CPLX1: variants seen among roughly 807,000 people sequenced by gnomAD.
CPLX1 encodes the protein complexin-1.
A neutral mutation model predicts 15.6 loss-of-function variants in CPLX1; 6 were observed. That is an observed-to-expected ratio of 0.39 (90% CI 0.21 to 0.76). CPLX1 has a LOEUF of 0.76. Among genes scored for constraint, CPLX1 ranks in the 30% least tolerant of loss-of-function variants. CPLX1 has a pLI of 0.43. For missense variants in CPLX1, 242 were observed against 188.6 expected (o/e 1.28, Z -1.66); for synonymous variants, 91 against 75.2 (o/e 1.21, Z -1.08).
chr4:813,187 C>T (rs1287457033), intron 2 of CPLX1, among the ~76,000 whole-genome samples: 1 of 150,840 alleles, frequency 6.6e-6, no homozygotes, highest in African/African-American at 2.4e-5. Flanking sequence ...ATTGCTTGAA[C>T]CTGGGAGCCG....
chr4:795,649 G>C (rs897664247), intron 2 of CPLX1, among the ~76,000 whole-genome samples: 1 of 151,628 alleles, frequency 6.6e-6, no homozygotes, highest in East Asian at 2.0e-4. Flanking sequence ...TGGAGGCGGT[G>C]GGGGGGCGCA....
Position 786,653 on chromosome 4 carries a change from C to T in CPLX1, c.253G>A (p.Ala85Thr). ...CTCCCCTCGGAGTTGGCCTCCATGG[C>T]GGCCTGGGCCTCGGCCTCGCGCTCC... ...KEEREAEAQA[A>T]MEANSEGSLT... Residue 85 changes from alanine (A) to threonine (T), a missense_variant, in exon 4 of 4, where the codon GCC (alanine) becomes ACC (threonine). Physicochemically the swap from Ala to Thr is moderately conservative, Grantham distance 58. Coordinates refer to ENST00000304062, the MANE Select transcript of CPLX1 (RefSeq NM_006651.4). The T allele has an allele frequency of 2.5e-6, 4 of 1,611,466 alleles. No homozygotes were observed. The highest frequency in any genetic ancestry group is 1.3e-5 in the African/African-American group (1 of 74,816).
chr4:822,223 T>C (rs1746882299), intron 2 of CPLX1, among the ~76,000 whole-genome samples: 1 of 151,386 alleles, frequency 6.6e-6, no homozygotes, highest in South Asian at 2.1e-4. Flanking sequence ...TCTCTAACTC[T>C]CTCTGTCTCT....
At chr4:788,893 G>A (rs997119888) in intron 3 of CPLX1, among the ~76,000 whole-genome samples, 3 of 152,190 alleles carry the variant, frequency 2.0e-5, no homozygotes, top group African/African-American at 4.8e-5. Flanking sequence ...TGCCTGTAAC[G>A]GCGGAACATG....
rs1560237614 is a variant in CPLX1 at position 792,423 on chromosome 4, C to T, written c.207+10G>A. On this transcript the variant is annotated intron_variant, in intron 3 of 3. Transcript: ENST00000304062. The stretch of plus-strand genomic sequence containing the variant: ...CGCCTTCCCGCAGGCGGGGCCGGCC[C>T]GGCGCGCACCTTGTCTCGGATGCCC... 1.3e-6 allele frequency: 2 copies of T among 1,532,988 alleles called. No individual in the cohort carries two copies. The highest frequency in any genetic ancestry group is 2.0e-5 in the Admixed American group (1 of 50,746). The allele number at this position is 1,532,988 out of a possible 1,614,324, so 95.0% of individuals were successfully genotyped here. A position where few individuals can be genotyped will look rare whatever the true frequency, so the allele number is the denominator to read the frequency against.
At chr4:804,855 C>T (rs1746524816) in intron 2 of CPLX1, 1 of 962,458 alleles carries the variant, frequency 1.0e-6, no homozygotes, top group Non-Finnish European at 1.2e-6. Context: ...GCTCAGCCTC[C>T]ACGGGAAAGG....
intron 2 of CPLX1, chr4:804,751 C>T (rs1264852092): frequency 4.1e-6 from 4 of 985,318 alleles, no homozygotes; most frequent in Non-Finnish European, 3.6e-6. Flanking sequence ...GAAGTGAAAA[C>T]GCACCTTGCG....
At chr4:793,938 A>G (rs1204334194) in intron 2 of CPLX1, among the ~76,000 whole-genome samples, 1 of 152,228 alleles carries the variant, frequency 6.6e-6, no homozygotes, top group African/African-American at 2.4e-5. Context: ...ACCTGGGTCC[A>G]GGTGTGCCCC....
At chr4:794,492 T>C (rs1420578182) in intron 2 of CPLX1, among the ~76,000 whole-genome samples, 2 of 152,228 alleles carry the variant, frequency 1.3e-5, no homozygotes, top group Non-Finnish European at 2.9e-5. Flanking sequence ...TTTAGGCCCA[T>C]GACTCAAGGG....
chr4:823,895 G>A (rs952074206), intron 2 of CPLX1, among the ~76,000 whole-genome samples: 3 of 152,246 alleles, frequency 2.0e-5, no homozygotes, highest in Non-Finnish European at 2.9e-5. Flanking sequence ...TGCACGTCCC[G>A]CCTGGGAGGC....
At chr4:824,912 C>A (rs918880581) in intron 1 of CPLX1, 1 of 405,728 alleles carries the variant, frequency 2.5e-6, no homozygotes. Flanking sequence ...GCCCAGGGGG[C>A]GTTTGAAGGT....
In CPLX1 at chr4:793,528, G is replaced by T. The variant is rs115677324; in HGVS notation, c.32-920C>A. Among the ~76,000 whole-genome samples the T allele has an allele frequency of 3.8e-3, 581 of 152,316 alleles. 2 individuals carry two copies. Among genetic ancestry groups the T allele is most frequent in the African/African-American group, 0.013 (558 of 41,574 alleles). On this transcript the variant is annotated intron_variant, in intron 2 of 3. Coordinates refer to ENST00000304062, the MANE Select transcript of CPLX1 (RefSeq NM_006651.4). ...ACAGCAGGCACTGCGGGGAGCCCTG[G>T]CCCTCGGCAGCTCCAGAGAGCAGAG...
In CPLX1 at chr4:785,278, A is replaced by G. The variant is rs991212203; in HGVS notation, c.*1223T>C. ...CGCGGGCCGCGTCGCTGGGGCGCAG[A>G]GGGGCGCGGTGGTCTCTGCCCGGAG... On this transcript the variant is annotated 3_prime_UTR_variant, in exon 4 of 4. Transcript: ENST00000304062. 1 of 151,102 alleles carries G rather than the reference A, an allele frequency of 6.6e-6. No individual in the cohort carries two copies. The highest frequency in any genetic ancestry group is 2.4e-5 in the African/African-American group (1 of 41,314). 9.4% of individuals were successfully genotyped at this position (151,102 alleles called of 1,614,324 possible). A position where few individuals can be genotyped will look rare whatever the true frequency, so the allele number is the denominator to read the frequency against.
chr4:796,394 C>T (rs4690314), intron 2 of CPLX1, among the ~76,000 whole-genome samples: 88,183 of 151,972 alleles, frequency 0.58, 25,941 homozygotes, highest in Middle Eastern at 0.68. Flanking sequence ...CACGCAATTC[C>T]CTTGCCTCCG....
In CPLX1 at chr4:791,316, G is replaced by A. The variant is rs1746168525; in HGVS notation, c.207+1117C>T. ...GGCGCCCGGCCCCCACTCCCCATCA[G>A]CGGCTTCTCTGCACCCTCCAGGGTG... On this transcript the variant is annotated intron_variant, in intron 3 of 3. Coordinates refer to ENST00000304062, the MANE Select transcript of CPLX1 (RefSeq NM_006651.4). Among the ~76,000 whole-genome samples, 4 of 151,392 alleles carry A rather than the reference G, an allele frequency of 2.6e-5. No homozygotes were observed. In the South Asian group the frequency reaches 8.4e-4, roughly 32 times the overall value.
chr4:822,539 T>C (rs1746891504), intron 2 of CPLX1, among the ~76,000 whole-genome samples: 2 of 152,192 alleles, frequency 1.3e-5, no homozygotes, highest in African/African-American at 4.8e-5. Context: ...GTCATTTTCT[T>C]TCTCCAGCTC....
chr4:823,156 C>T (rs988128601), intron 2 of CPLX1, among the ~76,000 whole-genome samples: 3 of 152,220 alleles, frequency 2.0e-5, no homozygotes, highest in Non-Finnish European at 2.9e-5. Flanking sequence ...CCGTAACAGC[C>T]TGGGACTCCC....
At position 804,948 on chromosome 4, in the gene CPLX1, C is replaced by T. The variant is rs948313138; in HGVS notation, c.32-12340G>A. On this transcript the variant is annotated intron_variant, in intron 2 of 3. Coordinates refer to ENST00000304062, the MANE Select transcript of CPLX1 (RefSeq NM_006651.4). ...CGCCGCGAGCACGTGCGGAGTTCAC[C>T]CGGCGTCCCACTCCTGCGCGGCGGC... is the stretch of plus-strand genomic sequence containing the variant. 7 of 985,334 alleles carry T rather than the reference C, an allele frequency of 7.1e-6. No homozygotes were observed. The African/African-American group carries it at 1.2e-4, about 17-fold the overall frequency. 61.0% of individuals were successfully genotyped at this position (985,334 alleles called of 1,614,324 possible). A position where few individuals can be genotyped will look rare whatever the true frequency, so the allele number is the denominator to read the frequency against.
intron 2 of CPLX1, among the ~76,000 whole-genome samples, chr4:799,883 A>T (rs2152644980): frequency 6.6e-6 from 1 of 152,214 alleles, no homozygotes; most frequent in South Asian, 2.1e-4. Context: ...AAATAAAAAG[A>T]TCCTCTGTAA....
Sources: allele counts gnomAD v4.1 joint callset (sites outside exome capture counted in the v4.1 genomes callset), GRCh38; gene constraint gnomAD v4.1.1; transcripts MANE v1.5; gene names NCBI Gene and HGNC (gene_info 2026-07-23, HGNC 2026-07-21).